The following ZDHHC21 variants were observed in gnomAD, a reference collection of about 807,000 sequenced individuals.
ZDHHC21 encodes zDHHC palmitoyltransferase 21.
Under a neutral mutation model 34.6 loss-of-function variants are expected in ZDHHC21, and 15 were observed. That is an observed-to-expected ratio of 0.43 (90% confidence interval 0.29 to 0.67). The LOEUF (loss-of-function observed/expected upper bound fraction) is 0.67. Ranked by LOEUF, ZDHHC21 falls within the 30% of genes least tolerant of loss-of-function variation. The pLI, the probability that ZDHHC21 is intolerant of heterozygous loss-of-function variation, is 0.14. For missense variants in ZDHHC21, 344 were observed against 327.7 expected (o/e 1.05, Z -0.38); for synonymous variants, 142 against 101.8 (o/e 1.40, Z -2.38).
At chr9:14,673,145 A>G (rs1222275491) in intron 4 of ZDHHC21, among the ~76,000 whole-genome samples, 1 of 152,070 alleles carries the variant, frequency 6.6e-6, no homozygotes, top group East Asian at 1.9e-4. Context: ...AATTTTAATT[A>G]TTATTTTACA....
At chr9:14,674,991 A>G (rs926364977) in intron 3 of ZDHHC21, among the ~76,000 whole-genome samples, 1 of 152,036 alleles carries the variant, frequency 6.6e-6, no homozygotes, top group African/African-American at 2.4e-5. Flanking sequence ...ATTTTAAACT[A>G]CAATAAAACA....
At chr9:14,591,029 C>T in the ZDHHC21 span, among the ~76,000 whole-genome samples, 93,277 of 151,756 alleles carry the variant, frequency 0.61, 29,119 homozygotes, top group African/African-American at 0.69. Flanking sequence ...TGAAGTAGCA[C>T]AGTAATATCT....
At chr9:14,686,150 C>A (rs1324112952) in intron 2 of ZDHHC21, among the ~76,000 whole-genome samples, 1 of 151,544 alleles carries the variant, frequency 6.6e-6, no homozygotes, top group African/African-American at 2.4e-5. Context: ...ACATGTACAC[C>A]TATGTAACAA....
the ZDHHC21 span, among the ~76,000 whole-genome samples, chr9:14,597,074 C>T: frequency 6.6e-6 from 1 of 152,196 alleles, no homozygotes; most frequent in Non-Finnish European, 1.5e-5. Context: ...TCAGCCCTCA[C>T]AGGCCCTGAG....
intron 7 of ZDHHC21, among the ~76,000 whole-genome samples, chr9:14,656,639 C>T (rs1193015141): frequency 2.0e-5 from 3 of 151,874 alleles, no homozygotes; most frequent in Admixed American, 2.0e-4. Context: ...AACCATAAGA[C>T]TTAGGCTAAG....
chr9:14,628,490 T>C (rs183457943), intron 8 of ZDHHC21, among the ~76,000 whole-genome samples: 94 of 152,316 alleles, frequency 6.2e-4, no homozygotes, highest in African/African-American at 2.2e-3. Context: ...TAGGTCTATA[T>C]TCAAGCTATG....
At chr9:14,647,570 G>C (rs1284266713) in intron 7 of ZDHHC21, among the ~76,000 whole-genome samples, 2 of 152,084 alleles carry the variant, frequency 1.3e-5, no homozygotes, top group Admixed American at 6.6e-5. Context: ...CCCGACGGGA[G>C]CTCCAATTCC....
chr9:14,634,258 G>C lies in ZDHHC21; in HGVS notation c.621+5638C>G, dbSNP rs12347028. ...TTGTCAACGCCTACACAAACCACTT[G>C]GGAGGCAGAGGTTTGTTCTGCCAAT... On this transcript the variant is annotated intron_variant, in intron 8 of 9. Coordinates refer to ENST00000380916, the MANE Select transcript of ZDHHC21 (RefSeq NM_178566.6). Among the ~76,000 whole-genome samples, 702 of 152,310 alleles carry C rather than the reference G, an allele frequency of 4.6e-3. 9 individuals are homozygous for C. The highest frequency in any genetic ancestry group is 0.016 in the African/African-American group (665 of 41,564).
intron 6 of ZDHHC21, among the ~76,000 whole-genome samples, chr9:14,659,147 A>T (rs1357072608): frequency 2.6e-5 from 4 of 152,194 alleles, no homozygotes; most frequent in Non-Finnish European, 5.9e-5. Flanking sequence ...CAGGAAGAGC[A>T]GACGGTAGTC....
intron 7 of ZDHHC21, among the ~76,000 whole-genome samples, chr9:14,644,476 T>C (rs1217720802): frequency 6.6e-6 from 1 of 152,038 alleles, no homozygotes; most frequent in Admixed American, 6.6e-5. Context: ...ACATTTCATC[T>C]TAGCATGCTA....
intron 5 of ZDHHC21, among the ~76,000 whole-genome samples, chr9:14,671,653 T>C (rs1415965672): frequency 1.3e-5 from 2 of 152,002 alleles, no homozygotes; most frequent in African/African-American, 4.8e-5. Context: ...TCAAAAAACA[T>C]GGCTCTAGTA....
chr9:14,596,534 G>A, the ZDHHC21 span, among the ~76,000 whole-genome samples: 1 of 152,176 alleles, frequency 6.6e-6, no homozygotes, highest in East Asian at 1.9e-4. Context: ...TGGTCCGGTA[G>A]GAAAAGCAGT....
intron 3 of ZDHHC21, among the ~76,000 whole-genome samples, chr9:14,675,518 G>T (rs1223311431): frequency 1.3e-5 from 2 of 151,748 alleles, no homozygotes; most frequent in Non-Finnish European, 2.9e-5. Flanking sequence ...ACAGCTGACT[G>T]GTGTCTAGGA....
At chr9:14,688,941 G>C (rs1338606221) in intron 2 of ZDHHC21, among the ~76,000 whole-genome samples, 1 of 152,100 alleles carries the variant, frequency 6.6e-6, no homozygotes, top group Non-Finnish European at 1.5e-5. Flanking sequence ...CTTATTGGGA[G>C]GCTGAAGTGG....
At chr9:14,677,141 G>C (rs1225409584) in intron 3 of ZDHHC21, among the ~76,000 whole-genome samples, 1 of 151,900 alleles carries the variant, frequency 6.6e-6, no homozygotes, top group Non-Finnish European at 1.5e-5. Flanking sequence ...AAATTACATA[G>C]TGAAAAGTAT....
At chr9:14,665,442 G>A (rs1265024349) in intron 5 of ZDHHC21, among the ~76,000 whole-genome samples, 2 of 148,884 alleles carry the variant, frequency 1.3e-5, no homozygotes, top group East Asian at 2.0e-4. Flanking sequence ...TTATCCAGGA[G>A]AACTTCCCCA....
intron 6 of ZDHHC21, among the ~76,000 whole-genome samples, chr9:14,660,965 C>G (rs1398689788): frequency 3.3e-5 from 5 of 152,146 alleles, no homozygotes. Context: ...TTCTAAAAAT[C>G]TATTACTATT....
At chr9:14,598,630 T>C in the ZDHHC21 span, among the ~76,000 whole-genome samples, 4 of 152,180 alleles carry the variant, frequency 2.6e-5, no homozygotes, top group African/African-American at 9.6e-5. Flanking sequence ...ATGAAATGCC[T>C]GGAAAAAATG....
chr9:14,656,673 C>G (rs2133887344), intron 7 of ZDHHC21, among the ~76,000 whole-genome samples: 1 of 152,020 alleles, frequency 6.6e-6, no homozygotes, highest in South Asian at 2.1e-4. Context: ...CTCAGCACTA[C>G]TAGACACAAG....
Sources: gnomAD v4.1 joint callset for allele counts (sites outside exome capture counted in the v4.1 genomes callset) on GRCh38, gnomAD v4.1.1 for gene constraint, MANE v1.5 for transcripts, NCBI Gene and HGNC (gene_info 2026-07-23, HGNC 2026-07-21) for gene names.